PTPRM: variants seen among roughly 807,000 people sequenced by gnomAD.
The protein encoded by PTPRM is protein tyrosine phosphatase receptor type M.
PTPRM carries 47 observed loss-of-function variants against 186.7 expected under a neutral mutation model. The observed-to-expected ratio is 0.25, with a 90% CI of 0.20 to 0.32. The LOEUF is 0.32. PTPRM is among the 10% of genes least tolerant of loss of function. The pLI is 1.00. For synonymous variants in PTPRM, 668 were observed against 674.9 expected (o/e 0.99, Z 0.16); for missense variants, 1,494 against 1,865.0 (o/e 0.80, Z 3.66).
intron 1 of PTPRM, among the ~76,000 whole-genome samples, chr18:7,672,889 CGCACACCTGCGT>C (rs1173808763): frequency 3.3e-5 from 5 of 152,172 alleles, no homozygotes; most frequent in Non-Finnish European, 7.4e-5. Flanking sequence ...CCAATCTGCA[CGCACACCTGCGT>C]GCACACCTAG....
intron 19 of PTPRM, among the ~76,000 whole-genome samples, chr18:8,295,226 A>C (rs2095083422): frequency 6.6e-6 from 1 of 152,202 alleles, no homozygotes; most frequent in Non-Finnish European, 1.5e-5. Context: ...CTCCTACTGC[A>C]GCAGTGCTAA....
intron 13 of PTPRM, among the ~76,000 whole-genome samples, chr18:8,121,637 TTTTTTATTCTCTTAA>T (rs1322835652): frequency 2.6e-5 from 4 of 152,174 alleles, no homozygotes; most frequent in Non-Finnish European, 4.4e-5. Context: ...TGGAGATGCA[TTTTTTATTCTCTTAA>T]AGTGAAAAAA....
At position 8,277,492 on chromosome 18, in the gene PTPRM, A is replaced by G. The variant is rs533586494; in HGVS notation, c.2755-18876A>G. On this transcript the variant is annotated intron_variant, in intron 19 of 32. Coordinates refer to ENST00000580170, the MANE Select transcript of PTPRM (RefSeq NM_001105244.2). Reference sequence around the variant, plus strand: ...AAAGTGTATTTTTCTTTTGCGTGTAAATGTTGTAATACTGTTTTGCAATAA... The same window carrying G: ...AAAGTGTATTTTTCTTTTGCGTGTAGATGTTGTAATACTGTTTTGCAATAA... Among the ~76,000 whole-genome samples the G allele has an allele frequency of 2.8e-4, 42 of 152,346 alleles. No homozygotes were observed. The South Asian group carries it at 8.5e-3, about 31-fold the overall frequency.
In PTPRM at chr18:7,968,173, T is replaced by C. The variant is rs1177426687; in HGVS notation, c.1132+12759T>C. On this transcript the variant is annotated intron_variant, in intron 7 of 32. Coordinates refer to ENST00000580170, the MANE Select transcript of PTPRM (RefSeq NM_001105244.2). ...TATTCAACATTCTTAAAGAAAAGAA[T>C]TTTCAACCCAGAATTTCATATCCAG... 3.9e-5 allele frequency among the ~76,000 whole-genome samples: 4 copies of C among 103,228 alleles called. No homozygotes were observed. In the South Asian group the frequency reaches 9.4e-4, roughly 24 times the overall value. The allele number at this position is 103,228 out of a possible 152,430, so 67.7% of individuals were successfully genotyped here.
chr18:7,727,975 AT>A (rs1339487434), intron 1 of PTPRM, among the ~76,000 whole-genome samples: 31 of 152,164 alleles, frequency 2.0e-4, no homozygotes, highest in Admixed American at 2.0e-3. Context: ...GTTTAAGGTA[AT>A]TTGCTCAAGG....
At chr18:7,574,367 G>T (rs537775190) in intron 1 of PTPRM, among the ~76,000 whole-genome samples, 1 of 152,254 alleles carries the variant, frequency 6.6e-6, no homozygotes, top group Admixed American at 6.5e-5. Flanking sequence ...ATTTCCCTGG[G>T]TTGATATTTT....
At chr18:8,286,912 A>G (rs1601638109) in intron 19 of PTPRM, among the ~76,000 whole-genome samples, 1 of 152,232 alleles carries the variant, frequency 6.6e-6, no homozygotes, top group East Asian at 1.9e-4. Context: ...AGAGTCACAA[A>G]TATCACATTA....
intron 23 of PTPRM, among the ~76,000 whole-genome samples, chr18:8,362,127 A>G (rs946651077): frequency 5.3e-5 from 8 of 152,088 alleles, no homozygotes; most frequent in Non-Finnish European, 1.0e-4. Context: ...GATCCAAGCA[A>G]GCCGCTGGTG....
At chr18:7,597,591 C>G (rs370548861) in intron 1 of PTPRM, among the ~76,000 whole-genome samples, 103 of 152,272 alleles carry the variant, frequency 6.8e-4, no homozygotes, top group African/African-American at 2.4e-3. Context: ...TAAAAAGTCA[C>G]TTTTTGCTAA....
At chr18:8,241,013 T>A (rs2147269806) in intron 14 of PTPRM, among the ~76,000 whole-genome samples, 1 of 151,890 alleles carries the variant, frequency 6.6e-6, no homozygotes, top group African/African-American at 2.4e-5. Flanking sequence ...AACTTGGGGG[T>A]GATAGATGAT....
intron 5 of PTPRM, among the ~76,000 whole-genome samples, chr18:7,929,852 C>G (rs1210712912): frequency 6.6e-6 from 1 of 152,068 alleles, no homozygotes; most frequent in East Asian, 1.9e-4. Context: ...CGTCATGGAC[C>G]AGGTCTTTCT....
intron 1 of PTPRM, among the ~76,000 whole-genome samples, chr18:7,768,698 G>A (rs1218653719): frequency 6.6e-6 from 1 of 151,078 alleles, no homozygotes; most frequent in Non-Finnish European, 1.5e-5. Context: ...CCAGGCTGGA[G>A]GGCAATGGCA....
At chr18:8,190,718 A>C (rs1389935993) in intron 14 of PTPRM, among the ~76,000 whole-genome samples, 1 of 152,252 alleles carries the variant, frequency 6.6e-6, no homozygotes, top group Non-Finnish European at 1.5e-5. Context: ...TACATAGATA[A>C]ATTAGATTTC....
intron 23 of PTPRM, among the ~76,000 whole-genome samples, chr18:8,359,144 T>A (rs1473035807): frequency 6.6e-6 from 1 of 152,198 alleles, no homozygotes; most frequent in Non-Finnish European, 1.5e-5. Context: ...ATCGATGAAA[T>A]ACAAATCAGG....
At chr18:7,611,691 C>G (rs1479231738) in intron 1 of PTPRM, among the ~76,000 whole-genome samples, 1 of 152,058 alleles carries the variant, frequency 6.6e-6, no homozygotes, top group Non-Finnish European at 1.5e-5. Flanking sequence ...GCGGGTCTTT[C>G]CCATGCTGTT....
intron 4 of PTPRM, among the ~76,000 whole-genome samples, chr18:7,919,066 A>G (rs1007538930): frequency 1.3e-5 from 2 of 152,070 alleles, no homozygotes; most frequent in African/African-American, 4.8e-5. Flanking sequence ...TCTTCGTTGT[A>G]TACTCTTAGC....
At chr18:8,070,116 G>A (rs1373124248) in intron 8 of PTPRM, 122 bp downstream of exon 8, 2 of 857,684 alleles carry the variant, frequency 2.3e-6, no homozygotes, top group South Asian at 1.8e-5. Flanking sequence ...CAACACAAAT[G>A]TGTATCTGTA....
chr18:8,210,405 T>C (rs957405826), intron 14 of PTPRM, among the ~76,000 whole-genome samples: 5 of 151,910 alleles, frequency 3.3e-5, no homozygotes, highest in Non-Finnish European at 5.9e-5. Flanking sequence ...GAGGCAGAGA[T>C]TGGAGGGGTC....
chr18:7,853,755 A>G (rs2145964561), intron 2 of PTPRM, among the ~76,000 whole-genome samples: 1 of 152,002 alleles, frequency 6.6e-6, no homozygotes, highest in African/African-American at 2.4e-5. Context: ...ATAATATTCT[A>G]TACCAAGCTG....
Sources: allele counts gnomAD v4.1 joint callset (sites outside exome capture counted in the v4.1 genomes callset), GRCh38; gene constraint gnomAD v4.1.1; transcripts MANE v1.5; gene names NCBI Gene and HGNC (gene_info 2026-07-23, HGNC 2026-07-21).